Variants in SPTLC2 observed in about 807,000 individuals in gnomAD.
The protein encoded by SPTLC2 is serine palmitoyltransferase 2.
In SPTLC2, 21 loss-of-function variants were observed where a neutral mutation model predicts 62.0. The ratio of observed to expected loss-of-function variants is 0.34; its 90% CI spans 0.24 to 0.49. SPTLC2 has a LOEUF of 0.49. SPTLC2 is among the 20% of genes least tolerant of loss of function. The pLI, the probability that SPTLC2 is intolerant of heterozygous loss-of-function variation, is 0.99. For synonymous variants in SPTLC2, 261 were observed against 261.8 expected (o/e 1.00, Z 0.03); for missense variants, 511 against 713.0 (o/e 0.72, Z 3.23).
intron 9 of SPTLC2, among the ~76,000 whole-genome samples, chr14:77,543,714 T>C (rs375449106): frequency 6.6e-6 from 1 of 152,296 alleles, no homozygotes; most frequent in African/African-American, 2.4e-5. Context: ...GATCTCTGAA[T>C]GCTTAGTTCT....
intron 2 of SPTLC2, among the ~76,000 whole-genome samples, chr14:77,579,853 A>G (rs932581779): frequency 2.0e-5 from 3 of 152,244 alleles, no homozygotes; most frequent in Non-Finnish European, 4.4e-5. Context: ...TAGTTGACAT[A>G]TATTACATGG....
intron 1 of SPTLC2, among the ~76,000 whole-genome samples, chr14:77,600,167 C>G (rs1207944781): frequency 6.6e-6 from 1 of 152,150 alleles, no homozygotes; most frequent in African/African-American, 2.4e-5. Context: ...GTAGGCTGGA[C>G]TCTCTAGGAA....
chr14:77,550,129 T>C (rs1164108020), intron 9 of SPTLC2, among the ~76,000 whole-genome samples: 69 of 152,256 alleles, frequency 4.5e-4, no homozygotes, highest in Admixed American at 4.4e-3. Context: ...CAGGCTCCAC[T>C]ATGTGTTTGC....
rs902196851 is a variant in SPTLC2 at position 77,616,355 on chromosome 14, G to T, written c.132+93C>A. On this transcript the variant is annotated intron_variant, in intron 1 of 11. Coordinates refer to ENST00000216484, the MANE Select transcript of SPTLC2 (RefSeq NM_004863.4). ...GCGAACGGCGCCCGCCCCGCGGATT[G>T]CCCAGCGGATGGCCCGGAGACCTCG... is the stretch of plus-strand genomic sequence containing the variant. 17 of 772,386 alleles carry T rather than the reference G, an allele frequency of 2.2e-5. No individual in the cohort carries two copies. In the African/African-American group the frequency reaches 2.9e-4, roughly 13 times the overall value. 47.8% of individuals were successfully genotyped at this position (772,386 alleles called of 1,614,324 possible). A position where few individuals can be genotyped will look rare whatever the true frequency, so the allele number is the denominator to read the frequency against.
intron 2 of SPTLC2, among the ~76,000 whole-genome samples, chr14:77,593,565 G>T (rs953225652): frequency 6.6e-6 from 1 of 152,092 alleles, no homozygotes; most frequent in Non-Finnish European, 1.5e-5. Flanking sequence ...AGAATTCCAA[G>T]AATTTTATGC....
At chr14:77,550,505 G>A (rs2079550214) in intron 9 of SPTLC2, among the ~76,000 whole-genome samples, 1 of 152,120 alleles carries the variant, frequency 6.6e-6, no homozygotes, top group Non-Finnish European at 1.5e-5. Flanking sequence ...AACCTGGGAG[G>A]CAGAGATTGT....
Position 77,518,739 on chromosome 14 carries a change from T to C in SPTLC2, c.1440-572A>G, listed in dbSNP as rs756048671. Among the ~76,000 whole-genome samples the C allele has an allele frequency of 3.2e-4, 48 of 152,286 alleles. 1 individual carries two copies. Among genetic ancestry groups the C allele is most frequent in the Non-Finnish European group, 2.8e-4 (19 of 68,024 alleles). On this transcript the variant is annotated intron_variant, in intron 10 of 11. Transcript: ENST00000216484. ...GCAAATTCTGAGGATTCTGCAGCTG[T>C]GGGGGATCTGCTGTAACACGGCACA...
chr14:77,525,228 T>A (rs1233943768), intron 9 of SPTLC2, among the ~76,000 whole-genome samples: 1 of 151,652 alleles, frequency 6.6e-6, no homozygotes, highest in Non-Finnish European at 1.5e-5. Context: ...GGGGCTGTAG[T>A]GAGCTATGAC....
chr14:77,590,286 T>C (rs944793225), intron 2 of SPTLC2, among the ~76,000 whole-genome samples: 1 of 152,256 alleles, frequency 6.6e-6, no homozygotes, highest in Non-Finnish European at 1.5e-5. Flanking sequence ...CCTCTGGCCT[T>C]GTATCTTAAA....
At chr14:77,531,444 C>CTTCTTCTTCTTT (rs201023535) in intron 9 of SPTLC2, among the ~76,000 whole-genome samples, 1 of 130,124 alleles carries the variant, frequency 7.7e-6, no homozygotes, top group Non-Finnish European at 1.6e-5. Flanking sequence ...TCTTCTTCTT[C>CTTCTTCTTCTTT]TCCTCCTTCT....
intron 2 of SPTLC2, among the ~76,000 whole-genome samples, chr14:77,594,953 A>G (rs1043041377): frequency 3.3e-5 from 5 of 152,230 alleles, no homozygotes; most frequent in African/African-American, 9.6e-5. Context: ...AAGTAACTAC[A>G]ATACTGTACA....
At chr14:77,567,578 C>T (rs1399612038) in intron 5 of SPTLC2, among the ~76,000 whole-genome samples, 1 of 152,176 alleles carries the variant, frequency 6.6e-6, no homozygotes, top group Non-Finnish European at 1.5e-5. Context: ...GTCCATAGGA[C>T]GTGTAGTGAT....
intron 4 of SPTLC2, among the ~76,000 whole-genome samples, chr14:77,573,206 TGAA>T (rs2079693719): frequency 6.6e-6 from 1 of 151,868 alleles, no homozygotes; most frequent in Non-Finnish European, 1.5e-5. Context: ...GCGGGGGAGA[TGAA>T]GAAAAGCTGG....
At chr14:77,560,903 ACC>A (rs2079611448) in intron 6 of SPTLC2, among the ~76,000 whole-genome samples, 2 of 2,294 alleles carry the variant, frequency 8.7e-4, no homozygotes, top group South Asian at 0.17. Context: ...TCGAAAAACT[ACC>A]TACCTATCAG....
rs1555373703 is a variant in SPTLC2, at chr14:77,529,620, C to CTTTCTTTTTTTTTTTTTTTTTTTTTT, written c.1304-8040_1304-8039insAAAAAAAAAAAAAAAAAAAAAAGAAA. Among the ~76,000 whole-genome samples, 49 of 76,058 alleles carry CTTTCTTTTTTTTTTTTTTTTTTTTTT rather than the reference C, an allele frequency of 6.4e-4. 5 individuals carry two copies. The highest frequency in any genetic ancestry group is 1.7e-3 in the South Asian group (3 of 1,722). 49.9% of individuals were successfully genotyped at this position (76,058 alleles called of 152,430 possible). A position where few individuals can be genotyped will look rare whatever the true frequency, so the allele number is the denominator to read the frequency against. ...TTCTAGGAAAGCAATTTCTTTCTTT[C>CTTTCTTTTTTTTTTTTTTTTTTTTTT]TTTTTTTTTTTTTTTTTTTTTTGAG... On this transcript the variant is annotated intron_variant, in intron 9 of 11. Transcript: ENST00000216484.
In SPTLC2 at chr14:77,569,854, GTATATAAA is replaced by G. The variant is rs1433039951; in HGVS notation, c.756+522_756+529del. Among the ~76,000 whole-genome samples, 6 of 70,326 alleles carry G rather than the reference GTATATAAA, an allele frequency of 8.5e-5. 1 individual carries two copies. Among genetic ancestry groups the G allele is most frequent in the African/African-American group, 2.6e-4 (6 of 23,152 alleles). 46.1% of individuals were successfully genotyped at this position (70,326 alleles called of 152,430 possible). On this transcript the variant is annotated intron_variant, in intron 5 of 11. Coordinates refer to ENST00000216484, the MANE Select transcript of SPTLC2 (RefSeq NM_004863.4). Reference sequence around the variant, plus strand: ...ATATAATATACAATATTATATATATGTATATAAATATATAAACACAGGCTGGTCTCAAA... The same window carrying G: ...ATATAATATACAATATTATATATATGTATATAAACACAGGCTGGTCTCAAA...
rs908241282 is a variant in SPTLC2, at chr14:77,533,521, G to T, written c.1304-11940C>A. Among the ~76,000 whole-genome samples the T allele has an allele frequency of 2.0e-5, 3 of 152,120 alleles. No individual in the cohort carries two copies. The East Asian group carries it at 5.8e-4, about 29-fold the overall frequency. ...GTTTTGACTTCATTTTAAAAGGGGC[G>T]AAGCTGAGCAGGGAGTGTACACGCA... On this transcript the variant is annotated intron_variant, in intron 9 of 11. Transcript: ENST00000216484.
At chr14:77,570,750 G>C (rs2079677417) in intron 4 of SPTLC2, among the ~76,000 whole-genome samples, 1 of 152,102 alleles carries the variant, frequency 6.6e-6, no homozygotes, top group Admixed American at 6.6e-5. Context: ...TCCCCAAAGG[G>C]GGCTGCGAAA....
intron 9 of SPTLC2, among the ~76,000 whole-genome samples, chr14:77,524,603 C>A (rs997851131): frequency 6.6e-6 from 1 of 152,212 alleles, no homozygotes; most frequent in African/African-American, 2.4e-5. Flanking sequence ...AATACGGAAT[C>A]ATTCTAAGTA....
Sources: allele counts gnomAD v4.1 joint callset (sites outside exome capture counted in the v4.1 genomes callset), GRCh38; gene constraint gnomAD v4.1.1; transcripts MANE v1.5; gene names NCBI Gene and HGNC (gene_info 2026-07-23, HGNC 2026-07-21).